TMEM117: variants seen among roughly 807,000 people sequenced by gnomAD.
TMEM117 encodes transmembrane protein 117.
A neutral mutation model predicts 52.4 loss-of-function variants in TMEM117; 27 were observed. The ratio of observed to expected loss-of-function variants is 0.51; its 90% CI spans 0.38 to 0.71. The LOEUF is 0.71. Among genes scored for constraint, TMEM117 ranks in the 30% least tolerant of loss-of-function variants. The pLI is 0.00. For synonymous variants in TMEM117, 215 were observed against 206.3 expected, an observed-to-expected ratio of 1.04 and a Z score of -0.36; for missense variants, 556 against 630.5, an observed-to-expected ratio of 0.88 and a Z score of 1.26.
At chr12:44,187,049 T>C (rs974822296) in intron 4 of TMEM117, among the ~76,000 whole-genome samples, 3 of 152,200 alleles carry the variant, frequency 2.0e-5, no homozygotes, top group African/African-American at 7.2e-5. Flanking sequence ...TAATTTTATA[T>C]TTAGCCATCC....
At chr12:43,845,298 T>C (rs1592301030) in intron 2 of TMEM117, among the ~76,000 whole-genome samples, 1 of 151,592 alleles carries the variant, frequency 6.6e-6, no homozygotes. Flanking sequence ...TCATCTCTAC[T>C]AAAAATACAA....
Position 43,930,690 on chromosome 12 carries a change from A to T in TMEM117, c.278-13520A>T, listed in dbSNP as rs562096155. ...ATAGTTATTTCCTCTTAGCAGTTTG[A>T]GGCACTGTCTTATGACATCCGTTGT... On this transcript the variant is annotated intron_variant, in intron 2 of 7. Coordinates refer to ENST00000266534, the MANE Select transcript of TMEM117 (RefSeq NM_032256.3). 1.4e-4 allele frequency among the ~76,000 whole-genome samples: 21 copies of T among 152,330 alleles called. 1 individual carries two copies. In the East Asian group the frequency reaches 2.5e-3, roughly 18 times the overall value.
At chr12:44,054,842 T>G (rs1947029176) in intron 3 of TMEM117, among the ~76,000 whole-genome samples, 1 of 152,054 alleles carries the variant, frequency 6.6e-6, no homozygotes, top group East Asian at 1.9e-4. Flanking sequence ...GTTGCACCCA[T>G]TAACTCATCA....
intron 3 of TMEM117, among the ~76,000 whole-genome samples, chr12:43,977,686 A>G (rs1367650224): frequency 6.6e-6 from 1 of 152,142 alleles, no homozygotes; most frequent in Admixed American, 6.6e-5. Context: ...TGGAATGGAC[A>G]CATTCTACTG....
chr12:44,144,478 C>T (rs775243430), intron 4 of TMEM117, among the ~76,000 whole-genome samples: 22 of 152,206 alleles, frequency 1.4e-4, no homozygotes, highest in Non-Finnish European at 3.1e-4. Flanking sequence ...CTGACTCAGA[C>T]AAGACTTGGC....
the TMEM117 span, among the ~76,000 whole-genome samples, chr12:43,803,452 A>G: frequency 6.6e-6 from 1 of 152,134 alleles, no homozygotes; most frequent in East Asian, 1.9e-4. Context: ...AGTTATTAAT[A>G]AAGGGGAGAT....
intron 6 of TMEM117, among the ~76,000 whole-genome samples, chr12:44,335,814 A>G (rs2138736978): frequency 1.3e-5 from 2 of 152,180 alleles, no homozygotes; most frequent in Middle Eastern, 6.8e-3. Context: ...CTCAAGTACC[A>G]TAATGCTTAA....
intron 2 of TMEM117, among the ~76,000 whole-genome samples, chr12:43,877,022 C>T: frequency 6.6e-6 from 1 of 151,900 alleles, no homozygotes; most frequent in Non-Finnish European, 1.5e-5. Context: ...GCTTATTGTT[C>T]CATTGAGTGT....
chr12:44,213,080 C>T (rs1949668371), intron 5 of TMEM117, among the ~76,000 whole-genome samples: 2 of 152,048 alleles, frequency 1.3e-5, no homozygotes, highest in Non-Finnish European at 2.9e-5. Context: ...TTGTAAACTT[C>T]CCATATAGCT....
intron 3 of TMEM117, among the ~76,000 whole-genome samples, chr12:44,025,315 T>C (rs946446761): frequency 1.3e-5 from 2 of 152,216 alleles, no homozygotes; most frequent in Non-Finnish European, 2.9e-5. Flanking sequence ...GGATTCATCC[T>C]GACTTTTATT....
At chr12:44,048,594 G>T (rs1340415362) in intron 3 of TMEM117, among the ~76,000 whole-genome samples, 1 of 152,150 alleles carries the variant, frequency 6.6e-6, no homozygotes, top group Non-Finnish European at 1.5e-5. Context: ...AAAATGGTTT[G>T]CAGTGCACAA....
chr12:43,925,235 G>A (rs1944759551), intron 2 of TMEM117, among the ~76,000 whole-genome samples: 1 of 151,834 alleles, frequency 6.6e-6, no homozygotes, highest in Non-Finnish European at 1.5e-5. Context: ...GTGTGGGGGT[G>A]TCTAGCCAGA....
In TMEM117 at chr12:43,837,773, T is replaced by A. The variant is rs535751718; in HGVS notation, c.-29+1577T>A. On this transcript the variant is annotated intron_variant, in intron 1 of 7. Coordinates refer to ENST00000266534, the MANE Select transcript of TMEM117 (RefSeq NM_032256.3). ...AATATTTTGCCATTTCAATGGAGAG[T>A]TTTCTCTGTTCAGAGGACCCCTAGA... 3.9e-5 allele frequency among the ~76,000 whole-genome samples: 6 copies of A among 152,168 alleles called. No homozygotes were observed. In the South Asian group the frequency reaches 1.2e-3, roughly 32 times the overall value.
chr12:43,899,649 T>C (rs1944272121), intron 2 of TMEM117, among the ~76,000 whole-genome samples: 1 of 152,058 alleles, frequency 6.6e-6, no homozygotes, highest in East Asian at 1.9e-4. Context: ...TTTTTTCAAA[T>C]GAGAATGTAC....
chr12:43,841,048 G>A (rs1943108812), intron 1 of TMEM117, among the ~76,000 whole-genome samples: 2 of 152,244 alleles, frequency 1.3e-5, no homozygotes, highest in Admixed American at 6.5e-5. Context: ...AAGTCATGAA[G>A]TGAGGATAAG....
At chr12:44,070,144 G>A (rs888505649) in intron 3 of TMEM117, among the ~76,000 whole-genome samples, 29 of 152,160 alleles carry the variant, frequency 1.9e-4, no homozygotes, top group African/African-American at 7.0e-4. Flanking sequence ...ACCTACCTTG[G>A]CCTCCCAAAA....
rs1491076599 is a variant in TMEM117 at position 44,152,596 on chromosome 12, CAT to C, written c.510+8978_510+8979del. Among the ~76,000 whole-genome samples, 5 of 114,680 alleles carry C rather than the reference CAT, an allele frequency of 4.4e-5. No homozygotes were observed. In the Admixed American group the frequency reaches 5.1e-4, roughly 12 times the overall value. 75.2% of individuals were successfully genotyped at this position (114,680 alleles called of 152,430 possible). On this transcript the variant is annotated intron_variant, in intron 4 of 7. Coordinates refer to ENST00000266534, the MANE Select transcript of TMEM117 (RefSeq NM_032256.3). ...AAATTTATATATATAATATTTATAT[CAT>C]ATATAAATTTTTATATACATAATAT...
chr12:44,292,771 A>G (rs1950720596), intron 5 of TMEM117, among the ~76,000 whole-genome samples: 1 of 152,018 alleles, frequency 6.6e-6, no homozygotes, highest in African/African-American at 2.4e-5. Context: ...GAATTTTACA[A>G]AATCTTCCTG....
chr12:43,998,635 A>G (rs2137771071), intron 3 of TMEM117, among the ~76,000 whole-genome samples: 1 of 152,346 alleles, frequency 6.6e-6, no homozygotes, highest in African/African-American at 2.4e-5. Flanking sequence ...AAAACATAGG[A>G]AATTATTTTC....
Sources: gnomAD v4.1 joint callset for allele counts (sites outside exome capture counted in the v4.1 genomes callset) on GRCh38, gnomAD v4.1.1 for gene constraint, MANE v1.5 for transcripts, NCBI Gene and HGNC (gene_info 2026-07-23, HGNC 2026-07-21) for gene names.